The following DPH6 variants were observed in gnomAD, a reference collection of about 807,000 sequenced individuals.
The protein encoded by DPH6 is diphthamine biosynthesis 6, also known as diphthine--ammonia ligase.
DPH6 carries 33 observed loss-of-function variants against 38.2 expected under a neutral mutation model. The ratio of observed to expected loss-of-function variants is 0.86; its 90% CI spans 0.65 to 1.15. The LOEUF is 1.15. DPH6 is among the 50% of genes most tolerant of loss of function. DPH6 has a pLI of 0.00. For synonymous variants in DPH6, 108 were observed against 103.0 expected, an observed-to-expected ratio of 1.05 and a Z score of -0.30; for missense variants, 325 against 320.0, an observed-to-expected ratio of 1.02 and a Z score of -0.12.
At chr15:35,466,187 G>A (rs929001795) in intron 3 of DPH6, among the ~76,000 whole-genome samples, 16 of 136,344 alleles carry the variant, frequency 1.2e-4, no homozygotes, top group Admixed American at 9.3e-4. Context: ...ACAGAACAAG[G>A]TTCTGTCTCA....
intron 3 of DPH6, among the ~76,000 whole-genome samples, chr15:35,248,779 A>G (rs2051652603): frequency 6.6e-6 from 1 of 152,250 alleles, no homozygotes; most frequent in Admixed American, 6.5e-5. Flanking sequence ...CAAACTTGAC[A>G]AACAATCTGA....
chr15:35,336,887 G>A (rs1350329556), intron 3 of DPH6, among the ~76,000 whole-genome samples: 2 of 152,072 alleles, frequency 1.3e-5, no homozygotes, highest in Non-Finnish European at 2.9e-5. Flanking sequence ...TGTTCATCAA[G>A]GATATTGGTC....
At chr15:35,343,954 TCAA>T (rs1416471298) in intron 3 of DPH6, among the ~76,000 whole-genome samples, 3 of 152,004 alleles carry the variant, frequency 2.0e-5, no homozygotes, top group African/African-American at 7.2e-5. Context: ...AGGAGGCCAC[TCAA>T]CTAACATCAG....
chr15:35,307,755 G>A (rs1566865365), intron 3 of DPH6, among the ~76,000 whole-genome samples: 1 of 151,828 alleles, frequency 6.6e-6, no homozygotes, highest in Non-Finnish European at 1.5e-5. Flanking sequence ...CATATCTTAT[G>A]TGTGTGTATA....
At chr15:35,198,113 C>G in the DPH6 span, among the ~76,000 whole-genome samples, 23 of 151,240 alleles carry the variant, frequency 1.5e-4, no homozygotes, top group Non-Finnish European at 3.2e-4. Context: ...AGTGAGTATG[C>G]AATATGATCC....
chr15:35,328,499 G>C (rs2052302764), downstream of DPH6, among the ~76,000 whole-genome samples: 1 of 152,090 alleles, frequency 6.6e-6, no homozygotes, highest in Non-Finnish European at 1.5e-5. Context: ...ACACAGAGTA[G>C]GTGCTTTAAA....
intron 3 of DPH6, among the ~76,000 whole-genome samples, chr15:35,500,391 A>G (rs1248507166): frequency 6.6e-6 from 1 of 152,188 alleles, no homozygotes; most frequent in African/African-American, 2.4e-5. Flanking sequence ...ATCCAAGTCA[A>G]TTTAATTTGA....
the DPH6 span, among the ~76,000 whole-genome samples, chr15:35,188,916 G>A: frequency 6.6e-6 from 1 of 152,018 alleles, no homozygotes; most frequent in South Asian, 2.1e-4. Flanking sequence ...CCTGATTTTA[G>A]AAGAACTATT....
At chr15:35,467,959 C>T (rs1013262588) in intron 3 of DPH6, among the ~76,000 whole-genome samples, 7 of 152,112 alleles carry the variant, frequency 4.6e-5, no homozygotes, top group African/African-American at 4.8e-5. Flanking sequence ...TATAATCTTA[C>T]GGAAACACCG....
the DPH6 span, among the ~76,000 whole-genome samples, chr15:35,194,135 T>C: frequency 6.6e-6 from 1 of 152,184 alleles, no homozygotes; most frequent in Non-Finnish European, 1.5e-5. Context: ...AGTTTTTCTA[T>C]ACACTTTTTA....
intron 5 of DPH6, among the ~76,000 whole-genome samples, chr15:35,416,361 CA>C (rs1440214585): frequency 2.0e-5 from 3 of 151,980 alleles, no homozygotes; most frequent in African/African-American, 7.2e-5. Flanking sequence ...AATTTTAAAA[CA>C]TATTTTTCAG....
chr15:35,197,061 A>G, the DPH6 span, among the ~76,000 whole-genome samples: 4 of 152,200 alleles, frequency 2.6e-5, no homozygotes, highest in South Asian at 8.3e-4. Flanking sequence ...CCCAATCATA[A>G]TAATTCTTTG....
At chr15:35,265,415 C>T (rs927860083) in intron 3 of DPH6, among the ~76,000 whole-genome samples, 4 of 152,268 alleles carry the variant, frequency 2.6e-5, no homozygotes, top group South Asian at 4.1e-4. Flanking sequence ...TAAGTGTAGC[C>T]AGACTGAACT....
the DPH6 span, among the ~76,000 whole-genome samples, chr15:35,172,857 A>G: frequency 4.6e-5 from 7 of 152,104 alleles, no homozygotes; most frequent in African/African-American, 1.7e-4. Context: ...ATGCCCTTCT[A>G]CCCTTGCATT....
At chr15:35,164,727 C>T in the DPH6 span, among the ~76,000 whole-genome samples, 1 of 151,886 alleles carries the variant, frequency 6.6e-6, no homozygotes, top group African/African-American at 2.4e-5. Flanking sequence ...ATCAGTTTAA[C>T]AGTGAATGCC....
chr15:35,382,832 T>C (rs1431130988), intron 6 of DPH6, among the ~76,000 whole-genome samples: 1 of 150,652 alleles, frequency 6.6e-6, no homozygotes, highest in Admixed American at 6.6e-5. Context: ...ATTTGTCTAA[T>C]CAAACCTGAA....
chr15:35,148,664 G>A, the DPH6 span, among the ~76,000 whole-genome samples: 15 of 151,952 alleles, frequency 9.9e-5, no homozygotes, highest in African/African-American at 3.1e-4. Flanking sequence ...CCATAGACCC[G>A]GAGGCATATA....
intron 3 of DPH6, among the ~76,000 whole-genome samples, chr15:35,229,458 G>C (rs1241391082): frequency 6.6e-6 from 1 of 151,860 alleles, no homozygotes; most frequent in Non-Finnish European, 1.5e-5. Flanking sequence ...GTGATATCTT[G>C]AATTTCTTTG....
intron 3 of DPH6, among the ~76,000 whole-genome samples, chr15:35,468,424 T>TC (rs1205298289): frequency 1.3e-5 from 2 of 152,172 alleles, no homozygotes; most frequent in African/African-American, 4.8e-5. Context: ...TCATAGTGCT[T>TC]CTTCCATGTT....
Sources: gnomAD v4.1 joint callset for allele counts (sites outside exome capture counted in the v4.1 genomes callset) on GRCh38, gnomAD v4.1.1 for gene constraint, MANE v1.5 for transcripts, NCBI Gene and HGNC (gene_info 2026-07-23, HGNC 2026-07-21) for gene names.